KIF6: variants seen among roughly 807,000 people sequenced by gnomAD.
KIF6 encodes the protein kinesin family member 6.
Under a neutral mutation model 112.7 loss-of-function variants are expected in KIF6, and 106 were observed. That is an observed-to-expected ratio of 0.94 (90% CI 0.80 to 1.11). The LOEUF (loss-of-function observed/expected upper bound fraction) is 1.11, where lower values mean the gene tolerates loss of function less well. Ranked by LOEUF, KIF6 falls within the 50% of genes least tolerant of loss-of-function variation. KIF6 has a pLI of 0.00. For synonymous variants in KIF6, 339 were observed against 339.9 expected (o/e 1.00, Z 0.03); for missense variants, 929 against 964.0 (o/e 0.96, Z 0.48).
chr6:39,705,245 G>T (rs1272872335), intron 3 of KIF6, among the ~76,000 whole-genome samples: 1 of 152,188 alleles, frequency 6.6e-6, no homozygotes, highest in Non-Finnish European at 1.5e-5. Context: ...ATAGGTCTGG[G>T]TGAGGCCTGA....
chr6:39,578,625 C>T (rs1244844983), intron 9 of KIF6, among the ~76,000 whole-genome samples: 1 of 152,124 alleles, frequency 6.6e-6, no homozygotes, highest in Non-Finnish European at 1.5e-5. Context: ...CCACCTCGCC[C>T]AGCCTCTATA....
intron 1 of KIF6, among the ~76,000 whole-genome samples, chr6:39,724,153 T>C (rs1410597565): frequency 2.6e-5 from 4 of 152,174 alleles, no homozygotes; most frequent in Non-Finnish European, 5.9e-5. Flanking sequence ...TTGAAATATT[T>C]AAGAAGCATA....
chr6:39,678,284 C>A lies in KIF6; in HGVS notation c.251+36408G>T, dbSNP rs9369131. Among the ~76,000 whole-genome samples, 391 of 151,572 alleles carry A rather than the reference C, an allele frequency of 2.6e-3. 1 individual carries two copies. The highest frequency in any genetic ancestry group is 5.0e-3 in the Non-Finnish European group (341 of 67,804). On this transcript the variant is annotated intron_variant, in intron 3 of 22. Transcript: ENST00000287152. ...CTAGAACTAGAAATACCATTTGACCCAGCCATCCCATTACTGGGTATATAC... is the reference window on the plus strand; with the variant it reads ...CTAGAACTAGAAATACCATTTGACCAAGCCATCCCATTACTGGGTATATAC...
chr6:39,701,617 G>T (rs550885796), intron 3 of KIF6, among the ~76,000 whole-genome samples: 1 of 152,206 alleles, frequency 6.6e-6, no homozygotes, highest in African/African-American at 2.4e-5. Context: ...GACAGCAACC[G>T]CTGAGCATTA....
intron 13 of KIF6, among the ~76,000 whole-genome samples, chr6:39,473,874 T>G (rs1224144756): frequency 6.6e-6 from 1 of 152,172 alleles, no homozygotes; most frequent in Non-Finnish European, 1.5e-5. Flanking sequence ...ATGAGTATGG[T>G]AGAAAACTCA....
intron 15 of KIF6, among the ~76,000 whole-genome samples, chr6:39,387,272 A>T (rs1014970021): frequency 3.9e-5 from 6 of 152,184 alleles, no homozygotes; most frequent in Admixed American, 6.5e-5. Flanking sequence ...GCACAGAAAA[A>T]GATCCTCTGT....
chr6:39,557,803 C>A (rs1298633499), intron 10 of KIF6, among the ~76,000 whole-genome samples: 1 of 151,654 alleles, frequency 6.6e-6, no homozygotes. Context: ...ATGAAAAACA[C>A]AAGTTAAAAA....
intron 16 of KIF6, among the ~76,000 whole-genome samples, chr6:39,373,331 A>C (rs1163784818): frequency 1.3e-5 from 2 of 152,198 alleles, no homozygotes; most frequent in Non-Finnish European, 2.9e-5. Flanking sequence ...TCTGTGAGTA[A>C]ATATGGCTAG....
chr6:39,429,788 G>A (rs550900876), intron 14 of KIF6, among the ~76,000 whole-genome samples: 26 of 152,088 alleles, frequency 1.7e-4, no homozygotes, highest in Middle Eastern at 3.4e-3. Flanking sequence ...GGTGCCTGTA[G>A]TCCCAGCTAC....
chr6:39,489,142 T>A (rs1182174653), intron 13 of KIF6, among the ~76,000 whole-genome samples: 1 of 152,250 alleles, frequency 6.6e-6, no homozygotes, highest in African/African-American at 2.4e-5. Flanking sequence ...AAATCAGCTT[T>A]AAGCTATCTT....
intron 5 of KIF6, chr6:39,617,686 T>C (rs1173977371): frequency 2.2e-6 from 1 of 454,834 alleles, no homozygotes; most frequent in South Asian, 1.6e-5. Context: ...AATTTTCCAA[T>C]AGATGGCAGA....
chr6:39,466,792 A>G (rs1773817086), intron 13 of KIF6, among the ~76,000 whole-genome samples: 1 of 152,072 alleles, frequency 6.6e-6, no homozygotes, highest in South Asian at 2.1e-4. Context: ...TCCTTCCTCC[A>G]CCCAGGCCCC....
intron 3 of KIF6, among the ~76,000 whole-genome samples, chr6:39,675,471 T>C (rs1257691557): frequency 2.6e-5 from 4 of 152,156 alleles, no homozygotes; most frequent in Non-Finnish European, 5.9e-5. Flanking sequence ...TGAAGATGAC[T>C]AGCCCTGAAG....
At chr6:39,441,464 G>C (rs1268233821) in intron 13 of KIF6, among the ~76,000 whole-genome samples, 1 of 152,180 alleles carries the variant, frequency 6.6e-6, no homozygotes, top group African/African-American at 2.4e-5. Flanking sequence ...TAGCATGTGT[G>C]TATCACTGAG....
At chr6:39,429,930 C>G (rs1771035096) in intron 14 of KIF6, among the ~76,000 whole-genome samples, 1 of 152,040 alleles carries the variant, frequency 6.6e-6, no homozygotes, top group African/African-American at 2.4e-5. Flanking sequence ...TGATTTTCAT[C>G]TATCACCAAC....
chr6:39,371,658 C>T (rs1411856343), intron 16 of KIF6, among the ~76,000 whole-genome samples: 2 of 152,212 alleles, frequency 1.3e-5, no homozygotes, highest in Non-Finnish European at 2.9e-5. Context: ...TGCAGTTTCC[C>T]TACACTCTGC....
intron 13 of KIF6, among the ~76,000 whole-genome samples, chr6:39,464,812 T>C (rs1773692031): frequency 1.3e-5 from 2 of 152,142 alleles, no homozygotes; most frequent in African/African-American, 4.8e-5. Context: ...ATACCTACAA[T>C]GGAAAAAAAG....
chr6:39,711,421 C>G (rs1210152866), intron 3 of KIF6, among the ~76,000 whole-genome samples: 1 of 152,094 alleles, frequency 6.6e-6, no homozygotes, highest in East Asian at 1.9e-4. Flanking sequence ...ACACAGAGTG[C>G]TATACCCAGT....
At chr6:39,519,937 G>A (rs1257001156) in intron 13 of KIF6, among the ~76,000 whole-genome samples, 1 of 152,126 alleles carries the variant, frequency 6.6e-6, no homozygotes, top group African/African-American at 2.4e-5. Context: ...CAAGAGAATC[G>A]CTTGAACCCG....
Sources: allele counts gnomAD v4.1 joint callset (sites outside exome capture counted in the v4.1 genomes callset), GRCh38; gene constraint gnomAD v4.1.1; transcripts MANE v1.5; gene names NCBI Gene and HGNC (gene_info 2026-07-23, HGNC 2026-07-21).